Variants in ACAT1 observed in about 807,000 individuals in gnomAD.
ACAT1 encodes the protein acetyl-CoA acetyltransferase 1.
Under a neutral mutation model 47.3 loss-of-function variants are expected in ACAT1, and 28 were observed. That is an observed-to-expected ratio of 0.59 (90% confidence interval 0.44 to 0.81). The LOEUF is 0.81. Among genes scored for constraint, ACAT1 ranks in the 30% least tolerant of loss-of-function variants. The pLI, the probability that ACAT1 is intolerant of heterozygous loss-of-function variation, is 0.00. For missense variants in ACAT1, 469 were observed against 524.3 expected (o/e 0.89, Z 1.03); for synonymous variants, 181 against 173.6 (o/e 1.04, Z -0.34).
At chr11:108,134,641 G>GA (rs71047674) in intron 4 of ACAT1, among the ~76,000 whole-genome samples, 964 of 64,080 alleles carry the variant, frequency 0.015, 6 homozygotes, top group African/African-American at 0.025. Context: ...CTGTCTGAAA[G>GA]AAAAAAAAAA....
intron 10 of ACAT1, among the ~76,000 whole-genome samples, chr11:108,144,830 G>A (rs1045724251): frequency 6.6e-6 from 1 of 152,180 alleles, no homozygotes. Context: ...CGCAGCTTCT[G>A]AAAGTGAGTA....
chr11:108,139,898 G>A (rs1317228506), intron 6 of ACAT1, 167 bp from the exon 7 acceptor site: 1 of 703,024 alleles, frequency 1.4e-6, no homozygotes, highest in Admixed American at 2.8e-5. Context: ...TGATCTGCCT[G>A]CCTTGGCCCC....
chr11:108,118,524 C>T (rs1037959728), upstream of ACAT1, among the ~76,000 whole-genome samples: 1 of 151,958 alleles, frequency 6.6e-6, no homozygotes, highest in African/African-American at 2.4e-5. Flanking sequence ...ACAGGTGGCC[C>T]CCTCCATGCC....
intron 8 of ACAT1, among the ~76,000 whole-genome samples, chr11:108,142,043 TA>T (rs762580275): frequency 6.6e-5 from 10 of 152,258 alleles, no homozygotes; most frequent in Non-Finnish European, 1.5e-4. Flanking sequence ...AACATTCATT[TA>T]TATTTATCTC....
At chr11:108,136,072 C>A in intron 5 of ACAT1, 1 of 686,882 alleles carries the variant, frequency 1.5e-6, no homozygotes, top group East Asian at 2.6e-5. Flanking sequence ...TACTTGAGAT[C>A]AAGCAAGAGA....
intron 7 of ACAT1, among the ~76,000 whole-genome samples, chr11:108,140,467 C>A (rs780364811): frequency 1.3e-5 from 2 of 152,132 alleles, no homozygotes; most frequent in Non-Finnish European, 2.9e-5. Flanking sequence ...ACAGTCAATA[C>A]GGTATTTTAA....
intron 10 of ACAT1, among the ~76,000 whole-genome samples, chr11:108,144,923 A>G (rs559595398): frequency 1.3e-5 from 2 of 152,366 alleles, no homozygotes; most frequent in African/African-American, 4.8e-5. Flanking sequence ...ACATAGCTAT[A>G]TATGGGTACC....
At chr11:108,119,765 C>A (rs1210195278), upstream of ACAT1, among the ~76,000 whole-genome samples, 3 of 152,046 alleles carry the variant, frequency 2.0e-5, no homozygotes, top group Non-Finnish European at 4.4e-5. Flanking sequence ...TGTCTTTGGC[C>A]TCTGGTAGAA....
At chr11:108,121,808 C>A in intron 1 of ACAT1, 130 bp downstream of exon 1, 1 of 1,047,082 alleles carries the variant, frequency 9.6e-7, no homozygotes, top group Non-Finnish European at 1.4e-6. Flanking sequence ...GACAGTCACG[C>A]GACGGGTTCT....
At chr11:108,139,868 G>A (rs1238652887) in intron 6 of ACAT1, among the ~76,000 whole-genome samples, 197 bp from the exon 7 acceptor site, 1 of 152,006 alleles carries the variant, frequency 6.6e-6, no homozygotes, top group Non-Finnish European at 1.5e-5. Flanking sequence ...GGCCAGGATG[G>A]TCTTGATCTC....
At chr11:108,139,115 T>G in intron 6 of ACAT1, 74 bp downstream of exon 6, 1 of 1,575,068 alleles carries the variant, frequency 6.3e-7, no homozygotes, top group Non-Finnish European at 8.7e-7. Context: ...CTATGTACTT[T>G]ACAAACTGAA....
chr11:108,122,752 G>A (rs1270001296), intron 1 of ACAT1, among the ~76,000 whole-genome samples: 1 of 152,172 alleles, frequency 6.6e-6, no homozygotes, highest in Non-Finnish European at 1.5e-5. Flanking sequence ...TAGGTTTCCA[G>A]GGAAGATGAG....
upstream of ACAT1, chr11:108,121,559 A>T (rs1210299934): frequency 1.7e-5 from 26 of 1,538,252 alleles, no homozygotes; most frequent in Non-Finnish European, 2.2e-5. Flanking sequence ...GTTGGGGAGG[A>T]GGCCGCTAGT....
upstream of ACAT1, among the ~76,000 whole-genome samples, chr11:108,116,940 T>C (rs1198433306): frequency 6.6e-6 from 1 of 152,012 alleles, no homozygotes; most frequent in Admixed American, 6.6e-5. Context: ...AGCCACCCAG[T>C]TGGTGGTAAT....
At chr11:108,126,654 C>T (rs1400894623) in intron 1 of ACAT1, among the ~76,000 whole-genome samples, 1 of 152,080 alleles carries the variant, frequency 6.6e-6, no homozygotes, top group Non-Finnish European at 1.5e-5. Flanking sequence ...CAGCAGTAGA[C>T]ATGAGGCAGA....
At chr11:108,133,047 TG>T (rs1183600448) in intron 2 of ACAT1, among the ~76,000 whole-genome samples, 1 of 151,490 alleles carries the variant, frequency 6.6e-6, no homozygotes, top group East Asian at 1.9e-4. Flanking sequence ...TAGCCGGGTG[TG>T]GTTGCAGATG....
chr11:108,127,072 T>C (rs1478789121), intron 1 of ACAT1, among the ~76,000 whole-genome samples: 2 of 151,874 alleles, frequency 1.3e-5, no homozygotes, highest in East Asian at 1.9e-4. Flanking sequence ...CCCCTCGGCC[T>C]CCCAAACTGC....
intron 1 of ACAT1, among the ~76,000 whole-genome samples, chr11:108,124,809 C>T (rs868322274): frequency 4.6e-5 from 7 of 152,208 alleles, no homozygotes; most frequent in Non-Finnish European, 7.4e-5. Flanking sequence ...AATTTTGTTC[C>T]GAATTCGTGG....
At chr11:108,123,418 T>C (rs1278866223) in intron 1 of ACAT1, among the ~76,000 whole-genome samples, 1 of 152,228 alleles carries the variant, frequency 6.6e-6, no homozygotes, top group South Asian at 2.1e-4. Flanking sequence ...TTCTGTGCTA[T>C]TTTGTAGAAT....
Sources: allele counts gnomAD v4.1 joint callset (sites outside exome capture counted in the v4.1 genomes callset), GRCh38; gene constraint gnomAD v4.1.1; transcripts MANE v1.5; gene names NCBI Gene and HGNC (gene_info 2026-07-23, HGNC 2026-07-21).